Variants in DMTF1 observed in about 807,000 individuals in gnomAD.
DMTF1 encodes the protein cyclin D binding myb like transcription factor 1, also known as cyclin-D-binding Myb-like transcription factor 1.
In DMTF1, 39 loss-of-function variants were observed where a neutral mutation model predicts 91.1. That is an observed-to-expected ratio of 0.43 (90% CI 0.33 to 0.56). DMTF1 has a LOEUF of 0.56. DMTF1 is among the 20% of genes least tolerant of loss of function. The pLI is 0.05. For synonymous variants in DMTF1, 338 were observed against 309.5 expected (o/e 1.09, Z -0.97); for missense variants, 750 against 914.5 (o/e 0.82, Z 2.32).
rs937010812 is a variant in DMTF1, at chr7:87,194,024, A to C, written c.1950A>C (p.Arg650Ser). ...STELMNSVMV[R>S]TEEEISDTDL... is the part of the protein sequence containing the mutation. ...AACTGATGAATAGTGTTATGGTCAG[A>C]ACAGAAGAAGAAATCTCTGACACCG... Residue 650 changes from arginine to serine, a missense_variant, in exon 16 of 18, where the codon AGA becomes AGC. Transcript: ENST00000331242. 1 of 1,613,010 alleles carries C rather than the reference A, an allele frequency of 6.2e-7. No individual in the cohort carries two copies. The highest frequency in any genetic ancestry group is 1.3e-5 in the African/African-American group (1 of 74,848).
chr7:87,168,209 T>TA (rs771274803), intron 4 of DMTF1, among the ~76,000 whole-genome samples: 12 of 152,218 alleles, frequency 7.9e-5, no homozygotes, highest in Non-Finnish European at 1.5e-4. Context: ...TTAATCATTC[T>TA]AACTCACCAC....
At chr7:87,183,669 T>C (rs1349821814) in intron 10 of DMTF1, among the ~76,000 whole-genome samples, 1 of 152,150 alleles carries the variant, frequency 6.6e-6, no homozygotes, top group Non-Finnish European at 1.5e-5. Context: ...TTTCAGCTAG[T>C]AATAACAAAA....
At chr7:87,194,200 C>A in intron 16 of DMTF1, 98 bp downstream of exon 16, 1 of 1,351,754 alleles carries the variant, frequency 7.4e-7, no homozygotes, top group Non-Finnish European at 1.0e-6. Context: ...AAATTAAGCT[C>A]AAACCCCCAA....
At chr7:87,184,948 G>A (rs1798091738) in intron 11 of DMTF1, 4 of 484,226 alleles carry the variant, frequency 8.3e-6, no homozygotes, top group Middle Eastern at 3.1e-4. Flanking sequence ...ATGTGCCTCA[G>A]TCCTAGCCTA....
intron 1 of DMTF1, among the ~76,000 whole-genome samples, chr7:87,157,144 C>T (rs969417063): frequency 2.0e-5 from 3 of 152,038 alleles, no homozygotes; most frequent in Admixed American, 1.3e-4. Flanking sequence ...GAAAACTGTC[C>T]TTACTGCCTT....
intron 11 of DMTF1, chr7:87,185,168 C>G (rs1375239627): frequency 4.7e-6 from 1 of 212,832 alleles, no homozygotes. Context: ...GCTGGTTTAA[C>G]CATTAAGATT....
In DMTF1 at chr7:87,166,558, A is replaced by T; in HGVS notation, c.185A>T (p.Gln62Leu). ...CTTTGTTTGTCCTCTGAGGATGATC[A>T]GAGTATTGATGATTCTACTCCTTGC... ...KRLCLSSEDD[Q>L]SIDDSTPCIS... is the part of the protein sequence containing the mutation. Residue 62 changes from glutamine to leucine, a missense_variant, in exon 4 of 18, where the codon CAG becomes CTG. Gln to Leu is a moderately radical substitution (Grantham distance 113). This residue lies in a region of DMTF1 where 150 missense variants were observed against 150.4 expected (regional missense o/e 1.00). Coordinates refer to ENST00000331242, the MANE Select transcript of DMTF1 (RefSeq NM_001142327.2). 2 of 1,613,086 alleles carry T rather than the reference A, an allele frequency of 1.2e-6. No homozygotes were observed. Among genetic ancestry groups the T allele is most frequent in the Non-Finnish European group, 1.7e-6 (2 of 1,179,218 alleles).
At chr7:87,179,053 G>T (rs946249377) in intron 7 of DMTF1, among the ~76,000 whole-genome samples, 1 of 151,732 alleles carries the variant, frequency 6.6e-6, no homozygotes, top group Non-Finnish European at 1.5e-5. Context: ...TCTGTTAATG[G>T]TCTAATCTCT....
At chr7:87,168,994 A>G (rs926803964) in intron 4 of DMTF1, among the ~76,000 whole-genome samples, 3 of 152,186 alleles carry the variant, frequency 2.0e-5, no homozygotes, top group Non-Finnish European at 4.4e-5. Flanking sequence ...ATGTCCATCC[A>G]TATATTTGTT....
chr7:87,165,191 A>G (rs1374363819), intron 3 of DMTF1, 141 bp downstream of exon 3: 4 of 483,190 alleles, frequency 8.3e-6, no homozygotes, highest in Admixed American at 4.0e-5. Flanking sequence ...TCTCTTTAAC[A>G]TAAATGTTAG....
Position 87,180,856 on chromosome 7 carries a change from CTT to C in DMTF1, c.678-433_678-432del, listed in dbSNP as rs397889347. ...TAAAAATAGAAGCATTTATTTTCAACTTTTTTTTTTTTTTTTTTTTTGAGACA... is the reference window on the plus strand; with the variant it reads ...TAAAAATAGAAGCATTTATTTTCAACTTTTTTTTTTTTTTTTTTTGAGACA... On this transcript the variant is annotated intron_variant, in intron 8 of 17. Transcript: ENST00000331242. Among the ~76,000 whole-genome samples the C allele has an allele frequency of 3.1e-3, 396 of 127,632 alleles. 1 individual carries two copies. The highest frequency in any genetic ancestry group is 0.013 in the Middle Eastern group (3 of 238). 83.7% of individuals were successfully genotyped at this position (127,632 alleles called of 152,430 possible).
intron 1 of DMTF1, among the ~76,000 whole-genome samples, chr7:87,156,225 C>T (rs1249482471): frequency 6.6e-6 from 1 of 152,054 alleles, no homozygotes; most frequent in Non-Finnish European, 1.5e-5. Flanking sequence ...TTTGAATAAG[C>T]AATATAGTTT....
rs138196651 is a variant in DMTF1, at chr7:87,157,868, A to G, written c.-132+5313A>G. Among the ~76,000 whole-genome samples, 318 of 152,052 alleles carry G rather than the reference A, an allele frequency of 2.1e-3. 2 individuals carry two copies. The highest frequency in any genetic ancestry group is 7.2e-3 in the African/African-American group (297 of 41,520). On this transcript the variant is annotated intron_variant, in intron 1 of 17. Transcript: ENST00000331242. ...TGTGTTTTTTTTTTTAAGCCACCAGAATGGTTTTATTTTTGTCATTGACAA... is the reference window on the plus strand; with the variant it reads ...TGTGTTTTTTTTTTTAAGCCACCAGGATGGTTTTATTTTTGTCATTGACAA...
chr7:87,185,949 A>G lies in DMTF1; in HGVS notation c.1170A>G (p.Gln390=), dbSNP rs1283291651. The change falls in exon 12 of 18, where the codon CAA becomes CAG. Residue 390 remains glutamine (Q), a synonymous_variant. Coordinates refer to ENST00000331242, the MANE Select transcript of DMTF1 (RefSeq NM_001142327.2). ...GTAAATGGTGGACCATCAAAAGGCA[A>G]ATTGCAAACCATAAGGATGTTTCGT... ...LRSKWWTIKR[Q]IANHKDVSFP... 1 of 1,613,878 alleles carries G rather than the reference A, an allele frequency of 6.2e-7. No homozygotes were observed. The highest frequency in any genetic ancestry group is 8.5e-7 in the Non-Finnish European group (1 of 1,179,828).
At chr7:87,154,177 A>G (rs1035198781) in intron 1 of DMTF1, 3 of 152,240 alleles carry the variant, frequency 2.0e-5, no homozygotes, top group Non-Finnish European at 4.4e-5. Flanking sequence ...AAAAATTGTC[A>G]TGCTGAGAGA....
chr7:87,189,545 T>A (rs1172198933), intron 13 of DMTF1, among the ~76,000 whole-genome samples: 1 of 152,150 alleles, frequency 6.6e-6, no homozygotes, highest in East Asian at 1.9e-4. Context: ...TACCTTAATA[T>A]TGATAGCATC....
intron 1 of DMTF1, among the ~76,000 whole-genome samples, chr7:87,153,391 A>C (rs1789821596): frequency 6.6e-6 from 1 of 152,218 alleles, no homozygotes; most frequent in Admixed American, 6.5e-5. Context: ...CTTCGCTTTG[A>C]GAATTTCTTC....
At chr7:87,176,711 A>G (rs556206230) in intron 7 of DMTF1, among the ~76,000 whole-genome samples, 2 of 152,344 alleles carry the variant, frequency 1.3e-5, no homozygotes, top group African/African-American at 4.8e-5. Context: ...AATGATGATC[A>G]GATTGGCAGA....
rs548005897 is a variant in DMTF1 at position 87,163,580 on chromosome 7, C to G, written c.-46C>G. 1 of 152,310 alleles carries G rather than the reference C, an allele frequency of 6.6e-6. No individual in the cohort carries two copies. The highest frequency in any genetic ancestry group is 2.1e-4 in the South Asian group (1 of 4,826). The allele number at this position is 152,310 out of a possible 1,614,324, so 9.4% of individuals were successfully genotyped here. ...GTTGCTAAGGGAAGGCAACTTGATTCTGTGGGAAGGGCTGTAGCTGATCCA... is the reference window on the plus strand; with the variant it reads ...GTTGCTAAGGGAAGGCAACTTGATTGTGTGGGAAGGGCTGTAGCTGATCCA... On this transcript the variant is annotated 5_prime_UTR_variant, in exon 2 of 18. Transcript: ENST00000331242.
Sources: allele counts gnomAD v4.1 joint callset (sites outside exome capture counted in the v4.1 genomes callset), GRCh38; gene constraint gnomAD v4.1.1; regional missense constraint gnomAD v4.1.1; transcripts MANE v1.5; gene names NCBI Gene and HGNC (gene_info 2026-07-23, HGNC 2026-07-21).